Variants in LINGO2 observed in about 807,000 individuals in gnomAD.
LINGO2 encodes leucine-rich repeat and immunoglobulin-like domain-containing nogo receptor-interacting protein 2.
LINGO2 carries 14 observed loss-of-function variants against 30.6 expected under a neutral mutation model. The ratio of observed to expected loss-of-function variants is 0.46; its 90% CI spans 0.30 to 0.72. The LOEUF is 0.72. LINGO2 is among the 30% of genes least tolerant of loss of function. The pLI is 0.07. For missense variants in LINGO2, 729 were observed against 751.7 expected (o/e 0.97, Z 0.35); for synonymous variants, 317 against 288.5 (o/e 1.10, Z -1.00).
the LINGO2 span, among the ~76,000 whole-genome samples, chr9:28,857,792 T>C: frequency 1.3e-5 from 2 of 152,110 alleles, no homozygotes; most frequent in Non-Finnish European, 2.9e-5. Flanking sequence ...ACTGATTAAA[T>C]GTAAAAATAT....
At chr9:28,923,832 A>G in the LINGO2 span, among the ~76,000 whole-genome samples, 1 of 152,176 alleles carries the variant, frequency 6.6e-6, no homozygotes, top group East Asian at 1.9e-4. Context: ...CTAGTGAGTG[A>G]CCAAATAATA....
chr9:28,336,318 AG>A (rs1207661895), intron 3 of LINGO2, among the ~76,000 whole-genome samples: 1 of 152,126 alleles, frequency 6.6e-6, no homozygotes, highest in African/African-American at 2.4e-5. Context: ...TATTAATACA[AG>A]TCATTTGATA....
At chr9:29,089,615 C>T in the LINGO2 span, among the ~76,000 whole-genome samples, 1 of 152,020 alleles carries the variant, frequency 6.6e-6, no homozygotes, top group Non-Finnish European at 1.5e-5. Flanking sequence ...AGGTCTTTGG[C>T]TTAATGATCA....
intron 4 of LINGO2, among the ~76,000 whole-genome samples, chr9:28,273,724 G>T (rs1823022547): frequency 6.6e-6 from 1 of 152,192 alleles, no homozygotes; most frequent in African/African-American, 2.4e-5. Flanking sequence ...GGGAAGAAAA[G>T]AAATACAAAC....
chr9:28,558,846 T>G (rs1427942450), intron 1 of LINGO2, among the ~76,000 whole-genome samples: 2 of 152,022 alleles, frequency 1.3e-5, no homozygotes, highest in Admixed American at 1.3e-4. Flanking sequence ...TTACTCTTAC[T>G]GGTCTATTGC....
chr9:28,415,449 T>C (rs1301080926), intron 2 of LINGO2, among the ~76,000 whole-genome samples: 1 of 152,164 alleles, frequency 6.6e-6, no homozygotes, highest in Non-Finnish European at 1.5e-5. Flanking sequence ...CCTAAACTCT[T>C]TACTGCAGCG....
At chr9:29,088,388 C>G in the LINGO2 span, among the ~76,000 whole-genome samples, 1 of 152,056 alleles carries the variant, frequency 6.6e-6, no homozygotes, top group African/African-American at 2.4e-5. Flanking sequence ...AAGGCTTACC[C>G]TAAAGAGTCG....
chr9:29,017,365 C>T, the LINGO2 span, among the ~76,000 whole-genome samples: 1 of 152,150 alleles, frequency 6.6e-6, no homozygotes, highest in Admixed American at 6.6e-5. Flanking sequence ...CTTTGATTCT[C>T]AGCTTTTTGA....
At chr9:28,925,754 C>T in the LINGO2 span, among the ~76,000 whole-genome samples, 2 of 152,184 alleles carry the variant, frequency 1.3e-5, no homozygotes, top group Admixed American at 6.5e-5. Context: ...TTTGTAAGGA[C>T]AGCTGTTCTC....
chr9:28,931,892 G>T, the LINGO2 span, among the ~76,000 whole-genome samples: 52 of 151,256 alleles, frequency 3.4e-4, no homozygotes, highest in Non-Finnish European at 1.3e-4. Flanking sequence ...GGTGGGTCAT[G>T]AGGTCAGGAG....
intron 1 of LINGO2, among the ~76,000 whole-genome samples, chr9:28,603,430 A>C (rs1247348107): frequency 6.6e-6 from 1 of 152,040 alleles, no homozygotes; most frequent in East Asian, 1.9e-4. Context: ...AACATGAATT[A>C]ATTTTCAAAA....
At chr9:28,679,483 G>T in the LINGO2 span, among the ~76,000 whole-genome samples, 3 of 151,978 alleles carry the variant, frequency 2.0e-5, no homozygotes, top group Non-Finnish European at 4.4e-5. Context: ...GAAAGTATAA[G>T]ATTCCAGATA....
chr9:28,878,365 G>C, the LINGO2 span, among the ~76,000 whole-genome samples: 1 of 152,060 alleles, frequency 6.6e-6, no homozygotes, highest in Non-Finnish European at 1.5e-5. Flanking sequence ...CAACCAAAAA[G>C]AGTCCAGGAC....
At chr9:29,117,131 C>G in the LINGO2 span, among the ~76,000 whole-genome samples, 1 of 152,070 alleles carries the variant, frequency 6.6e-6, no homozygotes, top group Non-Finnish European at 1.5e-5. Flanking sequence ...TCTCATAGGT[C>G]AGATTCTCTG....
chr9:28,151,874 A>G (rs1033705771), intron 4 of LINGO2, among the ~76,000 whole-genome samples: 1 of 152,154 alleles, frequency 6.6e-6, no homozygotes, highest in African/African-American at 2.4e-5. Context: ...GATATTTTCA[A>G]TCTTGGACTA....
At chr9:28,364,750 T>A (rs985924398) in intron 3 of LINGO2, among the ~76,000 whole-genome samples, 3 of 152,248 alleles carry the variant, frequency 2.0e-5, no homozygotes, top group Non-Finnish European at 4.4e-5. Flanking sequence ...GTTTGCCTCC[T>A]AAGTAAATAT....
chr9:28,019,284 A>G (rs1822994741), intron 4 of LINGO2, among the ~76,000 whole-genome samples: 1 of 149,688 alleles, frequency 6.7e-6, no homozygotes, highest in Non-Finnish European at 1.5e-5. Flanking sequence ...AAAAAAAAAA[A>G]TCAGTTTCCA....
At chr9:29,170,954 GAAGTGTA>G in the LINGO2 span, among the ~76,000 whole-genome samples, 2 of 152,034 alleles carry the variant, frequency 1.3e-5, no homozygotes, top group Non-Finnish European at 2.9e-5. Flanking sequence ...AATTGCTTTA[GAAGTGTA>G]ATTTGGCTAT....
the LINGO2 span, among the ~76,000 whole-genome samples, chr9:29,152,185 G>C: frequency 1.3e-5 from 2 of 152,168 alleles, no homozygotes; most frequent in African/African-American, 4.8e-5. Flanking sequence ...CAAGGCTGCA[G>C]AGAAAAGGGA....
Sources: gnomAD v4.1 joint callset for allele counts (sites outside exome capture counted in the v4.1 genomes callset) on GRCh38, gnomAD v4.1.1 for gene constraint, MANE v1.5 for transcripts, NCBI Gene and HGNC (gene_info 2026-07-23, HGNC 2026-07-21) for gene names.